Variants in PSMA2 observed in about 807,000 individuals in gnomAD.
PSMA2 encodes the protein proteasome 20S subunit alpha 2.
A neutral mutation model predicts 35.9 loss-of-function variants in PSMA2; 2 were observed. That is an observed-to-expected ratio of 0.06 (90% CI 0.02 to 0.18). PSMA2 has a LOEUF of 0.18. PSMA2 is among the 10% of genes least tolerant of loss of function. The pLI, the probability that PSMA2 is intolerant of heterozygous loss-of-function variation, is 1.00. For missense variants in PSMA2, 126 were observed against 278.8 expected (o/e 0.45, Z 3.90); for synonymous variants, 97 against 98.2 (o/e 0.99, Z 0.07).
chr7:42,926,463 G>A (rs1430002482), intron 3 of PSMA2, 73 bp downstream of exon 3: 2 of 1,431,370 alleles, frequency 1.4e-6, no homozygotes, highest in Admixed American at 2.8e-5. Context: ...AACAACCTTG[G>A]TTTTTCTCCT....
rs1448563630 is a variant in PSMA2, at chr7:42,917,657, T to C, written c.622A>G (p.Ile208Val). 2.5e-6 allele frequency: 4 copies of C among 1,613,868 alleles called. No homozygotes were observed. The highest frequency in any genetic ancestry group is 2.5e-6 in the Non-Finnish European group (3 of 1,179,940). Residue 208 changes from isoleucine (I) to valine (V), a missense_variant, in exon 8 of 8, where the codon ATA becomes GTA. Ile to Val is a conservative substitution (Grantham distance 29). Coordinates refer to ENST00000223321, the MANE Select transcript of PSMA2 (RefSeq NM_002787.5). ...SFEGQMTEDN[I>V]EVGICNEAGF... ...GCTTCATTGCAGATTCCAACTTCTATGTTATCCTCTGTCATTTGCCCTTCA... is the reference window on the plus strand; with the variant it reads ...GCTTCATTGCAGATTCCAACTTCTACGTTATCCTCTGTCATTTGCCCTTCA...
chr7:42,921,924 T>C lies in PSMA2; in HGVS notation c.464A>G (p.Tyr155Cys). 6.2e-7 allele frequency: 1 copy of C among 1,610,324 alleles called. No individual in the cohort carries two copies. The highest frequency in any genetic ancestry group is 8.5e-7 in the Non-Finnish European group (1 of 1,177,458). The change falls in exon 6 of 8, where the codon TAC becomes TGC. Residue 155 changes from tyrosine (Y) to cysteine (C), a missense_variant. Around this residue, in one of 3 missense-constraint regions of PSMA2, gnomAD observed 6 missense variants for 44.0 expected, o/e 0.14. Transcript: ENST00000223321. ...YLFQSDPSGA[Y>C]FAWKATAMGK... ...CATTGCTGTAGCTTTCCAGGCAAAG[T>C]AAGCTCCCTAATCAGGAAAGAAAGA...
At chr7:42,930,895 T>C (rs1362317976) in intron 1 of PSMA2, among the ~76,000 whole-genome samples, 1 of 152,208 alleles carries the variant, frequency 6.6e-6, no homozygotes, top group African/African-American at 2.4e-5. Flanking sequence ...TTCTGTCATA[T>C]GTAATATAAT....
At chr7:42,928,794 C>G (rs914856332) in intron 1 of PSMA2, among the ~76,000 whole-genome samples, 1 of 152,142 alleles carries the variant, frequency 6.6e-6, no homozygotes, top group Non-Finnish European at 1.5e-5. Flanking sequence ...AGACTTCAAA[C>G]GCCTCATTGA....
chr7:42,919,438 C>A, intron 6 of PSMA2: 1 of 547,184 alleles, frequency 1.8e-6, no homozygotes, highest in Non-Finnish European at 3.7e-6. Context: ...TTGAACAAAC[C>A]CGAAGCAGAA....
chr7:42,926,828 AAGTC>A (rs1265704657), intron 2 of PSMA2, among the ~76,000 whole-genome samples, 160 bp from the exon 3 acceptor site: 1 of 152,260 alleles, frequency 6.6e-6, no homozygotes, highest in African/African-American at 2.4e-5. Flanking sequence ...AAGAAATGGT[AAGTC>A]AGTTTTTCCC....
At chr7:42,924,191 C>A (rs1192507702) in intron 4 of PSMA2, among the ~76,000 whole-genome samples, 21 of 137,380 alleles carry the variant, frequency 1.5e-4, no homozygotes, top group East Asian at 2.1e-4. Context: ...CAAAAAAATA[C>A]AAAAAAAAAA....
rs1232321625 is a variant in PSMA2 at position 42,924,678 on chromosome 7, G to A, written c.371C>T (p.Ser124Leu). 1 of 1,610,184 alleles carries A rather than the reference G, an allele frequency of 6.2e-7. No homozygotes were observed. Among genetic ancestry groups the A allele is most frequent in the South Asian group, 1.1e-5 (1 of 90,508 alleles). Residue 124 changes from serine (S) to leucine (L), a missense_variant, in exon 4 of 8, where the codon TCA (serine) becomes TTA (leucine). Physicochemically the swap from Ser to Leu is moderately radical, Grantham distance 145. Coordinates refer to ENST00000223321, the MANE Select transcript of PSMA2 (RefSeq NM_002787.5). ...VASVMQEYTQ[S>L]GGVRPFGVSL... Reference sequence around the variant, plus strand: ...TCAAGTAAAAAAAGCAACTTACCCTGACTGAGTATATTCTTGCATCACAGA... The same window carrying A: ...TCAAGTAAAAAAAGCAACTTACCCTAACTGAGTATATTCTTGCATCACAGA...
At chr7:42,920,126 G>A in intron 6 of PSMA2, 1 of 431,336 alleles carries the variant, frequency 2.3e-6, no homozygotes, top group Non-Finnish European at 4.3e-6. Flanking sequence ...CATACAACTG[G>A]ACTAGAACGA....
At chr7:42,932,090 C>A in intron 1 of PSMA2, 28 bp downstream of exon 1, 1 of 1,614,048 alleles carries the variant, frequency 6.2e-7, no homozygotes, top group East Asian at 2.2e-5. Context: ...CTCGACTACG[C>A]TGAAGACCTC....
chr7:42,929,691 A>T lies in PSMA2; in HGVS notation c.42-2232T>A, dbSNP rs545831818. On this transcript the variant is annotated intron_variant, in intron 1 of 7. Transcript: ENST00000223321. ...GTCACCTACACTTAGATTTTGTAAT[A>T]ACTTCTTTGTTCACGTAAAATAAAA... is the stretch of plus-strand genomic sequence containing the variant. Among the ~76,000 whole-genome samples, 10 of 152,302 alleles carry T rather than the reference A, an allele frequency of 6.6e-5. No individual in the cohort carries two copies. In the South Asian group the frequency reaches 2.1e-3, roughly 32 times the overall value.
In PSMA2 at chr7:42,916,901, T is replaced by C. The variant is rs749861766; in HGVS notation, c.*673A>G. 4 of 152,266 alleles carry C rather than the reference T, an allele frequency of 2.6e-5. No homozygotes were observed. Among genetic ancestry groups the C allele is most frequent in the African/African-American group, 7.2e-5 (3 of 41,472 alleles). The allele number at this position is 152,266 out of a possible 1,614,324, so 9.4% of individuals were successfully genotyped here. A position where few individuals can be genotyped will look rare whatever the true frequency, so the allele number is the denominator to read the frequency against. ...ATTAGCATTTTATTTCAAGCACTTATGCTCATCCTTGAGTTTAAAAAGTCT... is the reference window on the plus strand; with the variant it reads ...ATTAGCATTTTATTTCAAGCACTTACGCTCATCCTTGAGTTTAAAAAGTCT... On this transcript the variant is annotated 3_prime_UTR_variant, in exon 8 of 8. Transcript: ENST00000223321.
intron 6 of PSMA2, chr7:42,918,182 G>A (rs1002662014): frequency 5.6e-5 from 9 of 159,700 alleles, no homozygotes; most frequent in East Asian, 3.6e-4. Context: ...GACTACAGGC[G>A]CCCACTACGC....
chr7:42,922,645 A>C (rs1786143185), intron 5 of PSMA2, among the ~76,000 whole-genome samples: 1 of 152,192 alleles, frequency 6.6e-6, no homozygotes, highest in South Asian at 2.1e-4. Flanking sequence ...TGATTTAATT[A>C]ACAACCAAAA....
At chr7:42,924,883 A>T (rs975432507) in intron 3 of PSMA2, 86 bp from the exon 4 acceptor site, 1 of 1,334,116 alleles carries the variant, frequency 7.5e-7, no homozygotes, top group Non-Finnish European at 1.0e-6. Context: ...ATGTACCTGC[A>T]GCACAAGTTT....
chr7:42,924,287 G>C (rs1786172196), intron 4 of PSMA2, among the ~76,000 whole-genome samples: 1 of 139,250 alleles, frequency 7.2e-6, no homozygotes, highest in South Asian at 2.3e-4. Flanking sequence ...CCAGGAGGCA[G>C]AGGTTGCAGT....
At chr7:42,924,078 G>A (rs892717764) in intron 4 of PSMA2, among the ~76,000 whole-genome samples, 5 of 151,928 alleles carry the variant, frequency 3.3e-5, no homozygotes, top group African/African-American at 9.7e-5. Context: ...TGAAAGTAGC[G>A]GCCAGGCACA....
At chr7:42,925,797 T>C (rs1332206481) in intron 3 of PSMA2, among the ~76,000 whole-genome samples, 1 of 152,234 alleles carries the variant, frequency 6.6e-6, no homozygotes, top group African/African-American at 2.4e-5. Context: ...CCAGCCTATA[T>C]AGTGGTGACA....
chr7:42,931,796 C>T (rs1786317706), intron 1 of PSMA2, among the ~76,000 whole-genome samples: 1 of 152,136 alleles, frequency 6.6e-6, no homozygotes, highest in South Asian at 2.1e-4. Context: ...GAACGGGCCA[C>T]CCAGAGATGG....
Sources: allele counts gnomAD v4.1 joint callset (sites outside exome capture counted in the v4.1 genomes callset), GRCh38; gene constraint gnomAD v4.1.1; regional missense constraint gnomAD v4.1.1; transcripts MANE v1.5; gene names NCBI Gene and HGNC (gene_info 2026-07-23, HGNC 2026-07-21).